CNTNAP5: variants seen among roughly 807,000 people sequenced by gnomAD.
The protein encoded by CNTNAP5 is contactin-associated protein-like 5.
In CNTNAP5, 72 loss-of-function variants were observed where a neutral mutation model predicts 150.2. That is an observed-to-expected ratio of 0.48 (90% CI 0.40 to 0.58). The LOEUF (loss-of-function observed/expected upper bound fraction) is 0.58. CNTNAP5 is among the 20% of genes least tolerant of loss of function. The pLI, the probability that CNTNAP5 is intolerant of heterozygous loss-of-function variation, is 0.00. For synonymous variants in CNTNAP5, 672 were observed against 619.8 expected, an observed-to-expected ratio of 1.08 and a Z score of -1.25; for missense variants, 1,636 against 1,626.2, an observed-to-expected ratio of 1.01 and a Z score of -0.10.
intron 19 of CNTNAP5, among the ~76,000 whole-genome samples, chr2:124,800,090 G>A (rs1051823110): frequency 2.0e-5 from 3 of 152,212 alleles, no homozygotes; most frequent in Admixed American, 2.0e-4. Context: ...AGTTCAGTAG[G>A]TGGGCGTGCC....
At chr2:124,660,419 C>T (rs1453680380) in intron 13 of CNTNAP5, among the ~76,000 whole-genome samples, 1 of 152,156 alleles carries the variant, frequency 6.6e-6, no homozygotes, top group Middle Eastern at 3.2e-3. Flanking sequence ...GTATCTAAAA[C>T]AGTGCTGTCC....
intron 3 of CNTNAP5, among the ~76,000 whole-genome samples, chr2:124,246,450 G>A (rs1157773792): frequency 6.6e-6 from 1 of 152,064 alleles, no homozygotes; most frequent in African/African-American, 2.4e-5. Context: ...CTGCAACAAT[G>A]TTCAGAATCT....
chr2:124,420,471 T>G (rs919887231), intron 4 of CNTNAP5, among the ~76,000 whole-genome samples: 2 of 152,158 alleles, frequency 1.3e-5, no homozygotes, highest in African/African-American at 4.8e-5. Context: ...CCCTTCACAC[T>G]GCAACTGATT....
chr2:124,362,180 C>T (rs1057174650), intron 3 of CNTNAP5, among the ~76,000 whole-genome samples: 2 of 152,212 alleles, frequency 1.3e-5, no homozygotes, highest in Admixed American at 6.5e-5. Flanking sequence ...GCGCATGGTG[C>T]GCGAACCCGC....
intron 3 of CNTNAP5, among the ~76,000 whole-genome samples, chr2:124,313,645 C>G (rs185168938): frequency 6.6e-6 from 1 of 152,302 alleles, no homozygotes; most frequent in Admixed American, 6.5e-5. Context: ...CACACCCCTT[C>G]CACCCGTGGT....
At chr2:124,357,018 A>G (rs1474599622) in intron 3 of CNTNAP5, among the ~76,000 whole-genome samples, 1 of 152,154 alleles carries the variant, frequency 6.6e-6, no homozygotes, top group Non-Finnish European at 1.5e-5. Flanking sequence ...GTGAGATGGT[A>G]TCTCATTGTG....
At chr2:124,449,768 G>T (rs1311586172) in intron 6 of CNTNAP5, among the ~76,000 whole-genome samples, 1 of 152,134 alleles carries the variant, frequency 6.6e-6, no homozygotes, top group East Asian at 1.9e-4. Flanking sequence ...TTGCTCCAAT[G>T]ATTATAAAAG....
At chr2:124,882,834 G>A (rs1372367067) in intron 21 of CNTNAP5, among the ~76,000 whole-genome samples, 2 of 151,940 alleles carry the variant, frequency 1.3e-5, no homozygotes, top group Admixed American at 6.6e-5. Context: ...TGAAGGAGGA[G>A]CAAAGGCACA....
At chr2:124,562,240 G>T (rs764875435) in intron 10 of CNTNAP5, among the ~76,000 whole-genome samples, 3 of 152,116 alleles carry the variant, frequency 2.0e-5, no homozygotes, top group Non-Finnish European at 4.4e-5. Context: ...TATAAAGCCT[G>T]TGTTTTATTT....
At chr2:124,323,183 T>C (rs753539675) in intron 3 of CNTNAP5, among the ~76,000 whole-genome samples, 1 of 152,058 alleles carries the variant, frequency 6.6e-6, no homozygotes, top group Non-Finnish European at 1.5e-5. Flanking sequence ...CCCAAGCGGG[T>C]CAGGAACACT....
At chr2:124,444,599 AAAAC>A (rs954030019) in intron 5 of CNTNAP5, among the ~76,000 whole-genome samples, 59 of 152,162 alleles carry the variant, frequency 3.9e-4, no homozygotes, top group East Asian at 2.5e-3. Context: ...ACTGCATCTC[AAAAC>A]AAACAAACAA....
At chr2:124,321,041 G>A (rs145744377) in intron 3 of CNTNAP5, among the ~76,000 whole-genome samples, 49 of 152,282 alleles carry the variant, frequency 3.2e-4, no homozygotes, top group African/African-American at 1.1e-3. Context: ...ATCTTGTAAA[G>A]TCTTTCAAGC....
At chr2:124,887,626 A>T (rs961697072) in intron 21 of CNTNAP5, among the ~76,000 whole-genome samples, 1 of 152,124 alleles carries the variant, frequency 6.6e-6, no homozygotes, top group African/African-American at 2.4e-5. Context: ...TGCCATATGG[A>T]GGCAATTATA....
chr2:124,087,683 C>T (rs953888354), intron 1 of CNTNAP5, among the ~76,000 whole-genome samples: 1 of 151,822 alleles, frequency 6.6e-6, no homozygotes, highest in Non-Finnish European at 1.5e-5. Flanking sequence ...GATGGTGCCA[C>T]TGTACTCCAG....
At chr2:124,652,498 G>A (rs1678343913) in intron 13 of CNTNAP5, among the ~76,000 whole-genome samples, 1 of 152,156 alleles carries the variant, frequency 6.6e-6, no homozygotes, top group South Asian at 2.1e-4. Flanking sequence ...AGTCCTGAAG[G>A]CGACATGTGA....
chr2:124,666,133 T>C (rs145414887), intron 13 of CNTNAP5, among the ~76,000 whole-genome samples: 324 of 152,250 alleles, frequency 2.1e-3, no homozygotes, highest in African/African-American at 7.4e-3. Context: ...GGTTACAGTT[T>C]GGTTTTATAC....
chr2:124,329,929 T>C (rs1156379231), intron 3 of CNTNAP5, among the ~76,000 whole-genome samples: 1 of 152,182 alleles, frequency 6.6e-6, no homozygotes, highest in Non-Finnish European at 1.5e-5. Flanking sequence ...AGATTTGGGT[T>C]TGAAGTATCT....
Position 124,795,751 on chromosome 2 carries a change from G to A in CNTNAP5, c.2993-2345G>A, listed in dbSNP as rs558229111. On this transcript the variant is annotated intron_variant, in intron 18 of 23. Transcript: ENST00000682447. ...CAGGCTGGCCCGAACTCCTGACCTC[G>A]GGTGATCCACCTACCTCGGCCTCCC... Among the ~76,000 whole-genome samples, 19 of 152,156 alleles carry A rather than the reference G, an allele frequency of 1.2e-4. No homozygotes were observed. In the South Asian group the frequency reaches 3.6e-3, roughly 28 times the overall value.
At chr2:124,500,997 T>G (rs577880044) in intron 7 of CNTNAP5, among the ~76,000 whole-genome samples, 1 of 152,154 alleles carries the variant, frequency 6.6e-6, no homozygotes, top group African/African-American at 2.4e-5. Flanking sequence ...ACCCCAAGGA[T>G]TTCCTTCCTT....
Sources: allele counts gnomAD v4.1 joint callset (sites outside exome capture counted in the v4.1 genomes callset), GRCh38; gene constraint gnomAD v4.1.1; transcripts MANE v1.5; gene names NCBI Gene and HGNC (gene_info 2026-07-23, HGNC 2026-07-21).